The following UGT2B15 variants were observed in gnomAD, a reference collection of about 807,000 sequenced individuals.
UGT2B15 encodes UDP glucuronosyltransferase family 2 member B15.
A neutral mutation model predicts 45.9 loss-of-function variants in UGT2B15; 36 were observed. That is an observed-to-expected ratio of 0.78 (90% CI 0.60 to 1.04). The LOEUF is 1.04. Ranked by LOEUF, UGT2B15 falls within the 50% of genes least tolerant of loss-of-function variation. The probability of loss-of-function intolerance (pLI) is 0.00; values close to 1 mark genes in which losing one functional copy is unlikely to be tolerated. For synonymous variants in UGT2B15, 219 were observed against 216.4 expected, an observed-to-expected ratio of 1.01 and a Z score of -0.11; for missense variants, 617 against 622.4, an observed-to-expected ratio of 0.99 and a Z score of 0.09.
chr4:68,652,799 A>G (rs1732695986), intron 5 of UGT2B15, among the ~76,000 whole-genome samples: 1 of 152,004 alleles, frequency 6.6e-6, no homozygotes. Flanking sequence ...TCTATAATAT[A>G]TAAATAATTC....
chr4:68,669,366 C>T (rs543082815), intron 1 of UGT2B15, among the ~76,000 whole-genome samples: 5 of 152,176 alleles, frequency 3.3e-5, no homozygotes, highest in Admixed American at 1.3e-4. Context: ...CATTAGAAAT[C>T]TCAAGTTTTA....
intron 5 of UGT2B15, among the ~76,000 whole-genome samples, chr4:68,652,314 T>A (rs1288829226): frequency 6.6e-6 from 1 of 152,060 alleles, no homozygotes; most frequent in African/African-American, 2.4e-5. Flanking sequence ...TAGAATTATG[T>A]CATCTGCAAA....
intron 2 of UGT2B15, among the ~76,000 whole-genome samples, chr4:68,665,908 G>A (rs1219626456): frequency 6.6e-6 from 1 of 152,048 alleles, no homozygotes; most frequent in Non-Finnish European, 1.5e-5. Context: ...TTAGTCAGAT[G>A]TGTTGGCAGG....
intron 3 of UGT2B15, among the ~76,000 whole-genome samples, chr4:68,662,493 C>T (rs1386275508): frequency 1.4e-5 from 2 of 144,494 alleles, no homozygotes; most frequent in Non-Finnish European, 3.0e-5. Context: ...CTGAACAGAA[C>T]ACTAAATAGA....
intron 3 of UGT2B15, among the ~76,000 whole-genome samples, chr4:68,656,695 G>T (rs984119033): frequency 6.6e-6 from 1 of 152,010 alleles, no homozygotes; most frequent in Non-Finnish European, 1.5e-5. Flanking sequence ...TCTAGAGAAG[G>T]CTTCTAATGA....
chr4:68,670,216 T>A lies in UGT2B15; in HGVS notation c.403A>T (p.Lys135Ter). 6.2e-7 allele frequency: 1 copy of A among 1,614,040 alleles called. No homozygotes were observed. The highest frequency in any genetic ancestry group is 8.5e-7 in the Non-Finnish European group (1 of 1,179,978). Residue 135 changes from lysine to a stop codon, truncating the protein, a stop_gained, in exon 1 of 6, where the codon AAG becomes TAG. Transcript: ENST00000338206. LOFTEE classifies it high-confidence loss of function. ...NKLCKDAVLN[K>*]KLMMKLQESK... ...TCTTGTAGTTTCATCATAAGTTTCT[T>A]ATTCAAAACTGCATCTTTACAGAGC...
chr4:68,666,101 C>T (rs1241122266), intron 2 of UGT2B15, among the ~76,000 whole-genome samples: 2 of 152,114 alleles, frequency 1.3e-5, no homozygotes, highest in African/African-American at 4.8e-5. Flanking sequence ...GGCACTATCA[C>T]TTTCTTTTAA....
chr4:68,654,378 T>C (rs1447229526), intron 4 of UGT2B15, 122 bp from the exon 5 acceptor site: 1 of 899,020 alleles, frequency 1.1e-6, no homozygotes, highest in Admixed American at 3.0e-5. Context: ...CCCACAAAAC[T>C]GCATTGAAAT....
rs1466153179 is a variant in UGT2B15, at chr4:68,647,400, A to C, written c.1314-17T>G. The C allele has an allele frequency of 1.2e-6, 2 of 1,602,446 alleles. No individual in the cohort carries two copies. Among genetic ancestry groups the C allele is most frequent in the Non-Finnish European group, 1.7e-6 (2 of 1,173,240 alleles). On this transcript the variant is annotated splice_polypyrimidine_tract_variant and intron_variant, in intron 5 of 5. Coordinates refer to ENST00000338206, the MANE Select transcript of UGT2B15 (RefSeq NM_001076.4). ...TCTTTATAGCTGAAGGATAAATATAAAGATATCAACATTAAAAGTAAATTT... is the reference window on the plus strand; with the variant it reads ...TCTTTATAGCTGAAGGATAAATATACAGATATCAACATTAAAAGTAAATTT...
intron 1 of UGT2B15, 120 bp downstream of exon 1, chr4:68,669,775 A>G: frequency 7.3e-7 from 1 of 1,370,152 alleles, no homozygotes; most frequent in Non-Finnish European, 9.9e-7. Context: ...ATCATCTTAC[A>G]TTTGCAATTC....
intron 1 of UGT2B15, among the ~76,000 whole-genome samples, chr4:68,668,589 T>C (rs1189407629): frequency 2.7e-5 from 4 of 150,832 alleles, no homozygotes; most frequent in African/African-American, 9.7e-5. Context: ...TGGCAGGTGA[T>C]TGGATCATGG....
chr4:68,659,758 A>G (rs1056698385), intron 3 of UGT2B15, among the ~76,000 whole-genome samples: 5 of 152,002 alleles, frequency 3.3e-5, no homozygotes, highest in Non-Finnish European at 5.9e-5. Flanking sequence ...AAAGTTTTTG[A>G]TAATTTTGGA....
chr4:68,665,364 G>A (rs938398927), intron 2 of UGT2B15, among the ~76,000 whole-genome samples: 19 of 152,066 alleles, frequency 1.2e-4, no homozygotes, highest in Admixed American at 9.8e-4. Context: ...CCTGTACCAC[G>A]GCTGACAGTG....
rs749164846 is a variant in UGT2B15 at position 68,670,543 on chromosome 4, C to A, written c.76G>T (p.Val26Leu). The change falls in exon 1 of 6, where the codon GTG becomes TTG. Residue 26 changes from valine to leucine, a missense_variant. Around this residue, in one of 3 missense-constraint regions of UGT2B15, gnomAD observed 351 missense variants for 342.1 expected, o/e 1.03. Transcript: ENST00000338206. ...CTGTATTCTGTGGGCCACACTAGCA[C>A]CTTTCCACAGCTTCCAGAGCTAAAG... ...CYFSSGSCGKVLVWPTEYSHW... is the reference protein window; with the variant it reads ...CYFSSGSCGKLLVWPTEYSHW... 8.1e-6 allele frequency: 13 copies of A among 1,608,184 alleles called. No homozygotes were observed. Among genetic ancestry groups the A allele is most frequent in the Non-Finnish European group, 1.1e-5 (13 of 1,178,826 alleles).
intron 1 of UGT2B15, among the ~76,000 whole-genome samples, chr4:68,668,781 A>G (rs1192170104): frequency 3.3e-5 from 5 of 151,416 alleles, no homozygotes; most frequent in Non-Finnish European, 7.4e-5. Flanking sequence ...CATCCCAGTC[A>G]TGTAGAACTG....
At chr4:68,652,386 C>T (rs932173044) in intron 5 of UGT2B15, among the ~76,000 whole-genome samples, 14 of 151,574 alleles carry the variant, frequency 9.2e-5, no homozygotes, top group African/African-American at 3.4e-4. Flanking sequence ...CTCTAGTTCA[C>T]ATTTAAATCC....
chr4:68,659,783 A>G (rs1314399135), intron 3 of UGT2B15, among the ~76,000 whole-genome samples: 1 of 152,018 alleles, frequency 6.6e-6, no homozygotes, highest in Non-Finnish European at 1.5e-5. Flanking sequence ...GTGACATTAG[A>G]ATGGAAGAAA....
chr4:68,656,317 T>C (rs1373925756), intron 3 of UGT2B15, among the ~76,000 whole-genome samples: 1 of 152,044 alleles, frequency 6.6e-6, no homozygotes, highest in Non-Finnish European at 1.5e-5. Flanking sequence ...CGGTTTTGTC[T>C]TGGTTAATGT....
intron 3 of UGT2B15, among the ~76,000 whole-genome samples, chr4:68,658,012 T>C (rs2109827253): frequency 6.6e-6 from 1 of 152,120 alleles, no homozygotes; most frequent in East Asian, 1.9e-4. Context: ...AATTTTGCTA[T>C]TTAATTTTCA....
Sources: allele counts gnomAD v4.1 joint callset (sites outside exome capture counted in the v4.1 genomes callset), GRCh38; gene constraint gnomAD v4.1.1; regional missense constraint gnomAD v4.1.1; transcripts MANE v1.5; gene names NCBI Gene and HGNC (gene_info 2026-07-23, HGNC 2026-07-21).